The following SP100 variants were observed in gnomAD, a reference collection of about 807,000 sequenced individuals.
The protein encoded by SP100 is SP100 nuclear body protein, also known as nuclear autoantigen Sp-100.
In SP100, 84 loss-of-function variants were observed where a neutral mutation model predicts 130.0. That is an observed-to-expected ratio of 0.65 (90% CI 0.54 to 0.77). The LOEUF is 0.77. SP100 is among the 30% of genes least tolerant of loss of function. SP100 has a pLI of 0.00. For missense variants in SP100, 978 were observed against 1,052.2 expected (o/e 0.93, Z 0.97); for synonymous variants, 331 against 351.7 (o/e 0.94, Z 0.66).
rs190862906 is a variant in SP100 at position 230,515,602 on chromosome 2, G to A, written c.2094+4436G>A. On this transcript the variant is annotated intron_variant, in intron 24 of 28. Transcript: ENST00000340126. Reference sequence around the variant, plus strand: ...GGAAGAGGAAGAAGATGAAGAGGATGAACAAGAGGAGGAAAATGAAGAAGA... The same window carrying A: ...GGAAGAGGAAGAAGATGAAGAGGATAAACAAGAGGAGGAAAATGAAGAAGA... 1.5e-4 allele frequency: 242 copies of A among 1,601,918 alleles called. 2 individuals carry two copies. The African/African-American group carries it at 2.9e-3, about 19-fold the overall frequency.
At chr2:230,541,436 T>C in intron 27 of SP100, 64 bp downstream of exon 27, 11 of 1,353,732 alleles carry the variant, frequency 8.1e-6, no homozygotes, top group Non-Finnish European at 1.2e-5. Flanking sequence ...CTGAATCCCA[T>C]GGCACAAGGT....
intron 5 of SP100, 56 bp downstream of exon 5, chr2:230,446,958 T>C: frequency 9.8e-7 from 1 of 1,015,826 alleles, no homozygotes; most frequent in Non-Finnish European, 1.5e-6. Context: ...TCCAAGGTTC[T>C]GAGTGGAGAT....
intron 2 of SP100, among the ~76,000 whole-genome samples, chr2:230,442,319 A>G (rs761216451): frequency 3.3e-5 from 5 of 152,210 alleles, no homozygotes; most frequent in Non-Finnish European, 7.3e-5. Flanking sequence ...ATATATAGCA[A>G]TAATACAGAG....
chr2:230,538,144 G>GT (rs1208462449), intron 24 of SP100: 1 of 152,194 alleles, frequency 6.6e-6, no homozygotes, highest in Non-Finnish European at 1.5e-5. Context: ...CTCCAGAGAT[G>GT]TTTTTTAATG....
At chr2:230,474,298 A>G (rs2065424072) in intron 16 of SP100, 96 bp from the exon 17 acceptor site, 3 of 703,588 alleles carry the variant, frequency 4.3e-6, no homozygotes, top group African/African-American at 3.8e-5. Context: ...GAATATTGTT[A>G]TAAACGCAAG....
intron 17 of SP100, among the ~76,000 whole-genome samples, chr2:230,477,186 G>C (rs938980047): frequency 9.9e-5 from 15 of 152,098 alleles, no homozygotes; most frequent in African/African-American, 3.4e-4. Context: ...TTAAGTCATG[G>C]TGTTTTTCTT....
intron 19 of SP100, among the ~76,000 whole-genome samples, 194 bp downstream of exon 19, chr2:230,498,729 G>T (rs186020321): frequency 2.9e-4 from 44 of 152,264 alleles, no homozygotes; most frequent in Admixed American, 2.4e-3. Context: ...TGATGAATCT[G>T]CAACCATACC....
intron 24 of SP100, among the ~76,000 whole-genome samples, chr2:230,514,437 T>G (rs955437753): frequency 6.6e-6 from 1 of 152,222 alleles, no homozygotes; most frequent in Admixed American, 6.5e-5. Flanking sequence ...AGACTTATTA[T>G]AGCCAGGAAA....
intron 24 of SP100, among the ~76,000 whole-genome samples, chr2:230,526,012 A>C (rs997182056): frequency 6.6e-5 from 10 of 152,236 alleles, no homozygotes; most frequent in African/African-American, 2.4e-4. Flanking sequence ...GAGCTTCTGC[A>C]GACTTAAACA....
chr2:230,452,012 G>A, intron 8 of SP100, among the ~76,000 whole-genome samples: 1 of 152,142 alleles, frequency 6.6e-6, no homozygotes, highest in Non-Finnish European at 1.5e-5. Flanking sequence ...TTTTATGCAA[G>A]CACCATGCTC....
chr2:230,507,746 G>A (rs1178081596), intron 22 of SP100, among the ~76,000 whole-genome samples: 3 of 152,314 alleles, frequency 2.0e-5, no homozygotes, highest in Admixed American at 1.3e-4. Context: ...AATGTGTCAA[G>A]AAGTTGGGAG....
chr2:230,474,037 A>G (rs1048681015), intron 16 of SP100, among the ~76,000 whole-genome samples: 1 of 152,246 alleles, frequency 6.6e-6, no homozygotes, highest in Non-Finnish European at 1.5e-5. Context: ...CATTGTTTTG[A>G]AAGATATCCT....
chr2:230,526,717 G>A (rs1297733409), intron 24 of SP100, among the ~76,000 whole-genome samples: 2 of 152,168 alleles, frequency 1.3e-5, no homozygotes, highest in Admixed American at 6.5e-5. Context: ...AAACAGTGTG[G>A]AGAAGAACTT....
chr2:230,510,409 T>C (rs1375315590), intron 23 of SP100: 3 of 149,026 alleles, frequency 2.0e-5, no homozygotes. Context: ...CTGTGGTCAC[T>C]GGGAGCTGTG....
Position 230,449,707 on chromosome 2 carries a change from A to G in SP100, c.733A>G (p.Thr245Ala). The G allele has an allele frequency of 6.2e-7, 1 of 1,614,176 alleles. No homozygotes were observed. The highest frequency in any genetic ancestry group is 1.3e-5 in the African/African-American group (1 of 75,060). The change falls in exon 7 of 29, where the codon ACA becomes GCA. Residue 245 changes from threonine to alanine, a missense_variant. By Grantham distance (58) the Thr-to-Ala change is moderately conservative (BLOSUM62 0). Transcript: ENST00000340126. ...NEQCAQKAEPTESCEQIAVQV... is the reference protein window; with the variant it reads ...NEQCAQKAEPAESCEQIAVQV... ...ACAATGTGCTCAAAAGGCTGAGCCA[A>G]CAGGTAAGACTGACTGGGTTGGCAT...
chr2:230,474,355 T>C lies in SP100; in HGVS notation c.1547-39T>C, dbSNP rs372866262. 88 of 1,104,580 alleles carry C rather than the reference T, an allele frequency of 8.0e-5. No homozygotes were observed. In the African/African-American group the frequency reaches 1.0e-3, roughly 13 times the overall value. The allele number at this position is 1,104,580 out of a possible 1,614,324, so 68.4% of individuals were successfully genotyped here. A position where few individuals can be genotyped will look rare whatever the true frequency, so the allele number is the denominator to read the frequency against. On this transcript the variant is annotated intron_variant, in intron 16 of 28. Transcript: ENST00000340126. ...TCATAAGATTTATAAATTTTACTTA[T>C]AAATTACAGTTCTCTGACCACTACC...
chr2:230,449,066 ACTT>A lies in SP100; in HGVS notation c.524-19_524-17del, dbSNP rs2063840413. 3 of 1,419,870 alleles carry A rather than the reference ACTT, an allele frequency of 2.1e-6. No homozygotes were observed. The highest frequency in any genetic ancestry group is 3.0e-6 in the Non-Finnish European group (3 of 1,002,784). The allele number at this position is 1,419,870 out of a possible 1,614,324, so 88.0% of individuals were successfully genotyped here. A position where few individuals can be genotyped will look rare whatever the true frequency, so the allele number is the denominator to read the frequency against. On this transcript the variant is annotated intron_variant, in intron 5 of 28. Coordinates refer to ENST00000340126, the MANE Select transcript of SP100 (RefSeq NM_001080391.2). ...ATCCATACCTCGATTTCTGAAATAAACTTCTAATTTCTTCCTGCCAGGAACTGG... is the reference window on the plus strand; with the variant it reads ...ATCCATACCTCGATTTCTGAAATAAACTAATTTCTTCCTGCCAGGAACTGG...
At chr2:230,511,499 G>A (rs1690583893) in intron 24 of SP100, among the ~76,000 whole-genome samples, 1 of 152,154 alleles carries the variant, frequency 6.6e-6, no homozygotes, top group Non-Finnish European at 1.5e-5. Flanking sequence ...AGGATCAAAT[G>A]TCAGAAAATA....
intron 17 of SP100, among the ~76,000 whole-genome samples, chr2:230,490,056 C>A (rs1284773769): frequency 1.3e-5 from 2 of 152,112 alleles, no homozygotes; most frequent in Non-Finnish European, 2.9e-5. Context: ...GAGTTCAAGT[C>A]CTGAATATCC....
Sources: allele counts gnomAD v4.1 joint callset (sites outside exome capture counted in the v4.1 genomes callset), GRCh38; gene constraint gnomAD v4.1.1; transcripts MANE v1.5; gene names NCBI Gene and HGNC (gene_info 2026-07-23, HGNC 2026-07-21).